Variants in PRKN observed in about 807,000 individuals in gnomAD.
PRKN encodes the protein E3 ubiquitin-protein ligase parkin.
Under a neutral mutation model 59.5 loss-of-function variants are expected in PRKN, and 56 were observed. The observed-to-expected ratio is 0.94, with a 90% CI of 0.76 to 1.18. The LOEUF (loss-of-function observed/expected upper bound fraction) is 1.18, where lower values mean the gene tolerates loss of function less well. Among genes scored for constraint, PRKN ranks in the 50% most tolerant of loss-of-function variants. The pLI is 0.00. For synonymous variants in PRKN, 250 were observed against 222.1 expected (o/e 1.13, Z -1.12); for missense variants, 657 against 596.4 (o/e 1.10, Z -1.06).
At chr6:161,847,796 A>G (rs1406995236) in intron 6 of PRKN, among the ~76,000 whole-genome samples, 1 of 152,228 alleles carries the variant, frequency 6.6e-6, no homozygotes, top group Non-Finnish European at 1.5e-5. Flanking sequence ...CCCTAGGCAT[A>G]GGACTGGGAA....
chr6:162,117,360 A>T (rs1780717973), intron 4 of PRKN, among the ~76,000 whole-genome samples: 2 of 152,242 alleles, frequency 1.3e-5, no homozygotes, highest in Non-Finnish European at 2.9e-5. Flanking sequence ...GCTTTCGCCG[A>T]AGGGCCTAAG....
intron 6 of PRKN, among the ~76,000 whole-genome samples, chr6:161,830,130 C>A (rs1299718447): frequency 2.0e-5 from 3 of 152,174 alleles, no homozygotes; most frequent in African/African-American, 7.2e-5. Flanking sequence ...AGGTAAAAAT[C>A]AATTTGCCCA....
chr6:162,448,651 G>A (rs1790435735), intron 1 of PRKN, among the ~76,000 whole-genome samples: 2 of 151,884 alleles, frequency 1.3e-5, no homozygotes, highest in African/African-American at 2.4e-5. Context: ...TCCCTTTATT[G>A]GCCCTGCAGA....
chr6:162,119,737 A>T (rs1780826480), intron 4 of PRKN, among the ~76,000 whole-genome samples: 1 of 152,120 alleles, frequency 6.6e-6, no homozygotes, highest in Admixed American at 6.6e-5. Flanking sequence ...GGAAGGGAGA[A>T]GGGCTGCTTT....
At chr6:162,412,347 T>C (rs1394098338) in intron 2 of PRKN, among the ~76,000 whole-genome samples, 2 of 151,978 alleles carry the variant, frequency 1.3e-5, no homozygotes, top group Non-Finnish European at 2.9e-5. Context: ...TAGGGTACGA[T>C]GAATAACAAA....
intron 6 of PRKN, among the ~76,000 whole-genome samples, chr6:161,967,373 A>G (rs1160175241): frequency 3.9e-5 from 6 of 152,162 alleles, no homozygotes; most frequent in African/African-American, 1.4e-4. Context: ...ATCAATTTAT[A>G]AGCTATGAAG....
chr6:161,879,208 T>C (rs893457636), intron 6 of PRKN, among the ~76,000 whole-genome samples: 5 of 151,952 alleles, frequency 3.3e-5, no homozygotes, highest in African/African-American at 1.2e-4. Flanking sequence ...TGCACCAGAG[T>C]CAAATATGGG....
intron 7 of PRKN, among the ~76,000 whole-genome samples, chr6:161,696,593 A>G (rs1028516348): frequency 2.0e-5 from 3 of 152,196 alleles, no homozygotes; most frequent in Admixed American, 6.5e-5. Flanking sequence ...TGGTCTTTCT[A>G]TTTCTGTAAC....
At chr6:162,378,072 T>C (rs777997507) in intron 2 of PRKN, among the ~76,000 whole-genome samples, 5 of 152,152 alleles carry the variant, frequency 3.3e-5, no homozygotes, top group African/African-American at 4.8e-5. Flanking sequence ...TCAAAGGCAA[T>C]ACTTTAACAT....
At chr6:162,068,408 G>T (rs906464137) in intron 4 of PRKN, among the ~76,000 whole-genome samples, 1 of 152,130 alleles carries the variant, frequency 6.6e-6, no homozygotes, top group Non-Finnish European at 1.5e-5. Flanking sequence ...AGTTTCTGTG[G>T]GGCAGGCCTG....
At chr6:162,571,327 A>G (rs1780319094) in intron 1 of PRKN, 1 of 149,810 alleles carries the variant, frequency 6.7e-6, no homozygotes, top group African/African-American at 2.4e-5. Context: ...TCATTTCAAA[A>G]AAAAAAAAAA....
chr6:161,774,883 A>C (rs1003262448), intron 7 of PRKN, among the ~76,000 whole-genome samples: 1 of 152,348 alleles, frequency 6.6e-6, no homozygotes, highest in East Asian at 1.9e-4. Context: ...TTAAACTCCG[A>C]AGCTTAGGAA....
At chr6:162,096,848 ATTTTTTTTTTTTTTTTTTTT>A (rs71004079) in intron 4 of PRKN, among the ~76,000 whole-genome samples, 2 of 49,180 alleles carry the variant, frequency 4.1e-5, no homozygotes, top group Admixed American at 7.9e-4. Flanking sequence ...TACAGCTGGA[ATTTTTTTTTTTTTTTTTTTT>A]TTTTTTTTTT....
At chr6:162,159,196 T>C (rs1034821407) in intron 4 of PRKN, among the ~76,000 whole-genome samples, 5 of 150,854 alleles carry the variant, frequency 3.3e-5, no homozygotes, top group Non-Finnish European at 7.4e-5. Context: ...TCGTAAATAC[T>C]GTTTTCTATT....
At chr6:162,158,415 CGTTT>C (rs1562548505) in intron 4 of PRKN, among the ~76,000 whole-genome samples, 4 of 139,158 alleles carry the variant, frequency 2.9e-5, no homozygotes, top group African/African-American at 1.1e-4. Context: ...TGTTTGTTTG[CGTTT>C]TTTTTTTTTT....
At chr6:162,560,746 T>C (rs1175429313) in intron 1 of PRKN, among the ~76,000 whole-genome samples, 2 of 149,782 alleles carry the variant, frequency 1.3e-5, no homozygotes, top group African/African-American at 5.0e-5. Flanking sequence ...ATTGCCAACA[T>C]ATATTCATTC....
In PRKN at chr6:161,571,014, C is replaced by T. The variant is rs1780867528; in HGVS notation, c.872-1598G>A. On this transcript the variant is annotated intron_variant, in intron 7 of 11. Transcript: ENST00000366898. ...AGTGTGTAATCATGGCTCATTGCAGCCTTGACCTCCTGGCTGAAGGTACCC... is the reference window on the plus strand; with the variant it reads ...AGTGTGTAATCATGGCTCATTGCAGTCTTGACCTCCTGGCTGAAGGTACCC... Among the ~76,000 whole-genome samples the T allele has an allele frequency of 2.6e-5, 4 of 152,126 alleles. 1 individual carries two copies. Among genetic ancestry groups the T allele is most frequent in the African/African-American group, 9.7e-5 (4 of 41,420 alleles).
intron 4 of PRKN, among the ~76,000 whole-genome samples, chr6:162,079,006 G>C (rs1377330978): frequency 6.6e-6 from 1 of 152,008 alleles, no homozygotes; most frequent in African/African-American, 2.4e-5. Flanking sequence ...AGTCATCAGA[G>C]GTTGCCATTC....
At chr6:162,212,002 T>TC (rs1785219134) in intron 3 of PRKN, among the ~76,000 whole-genome samples, 1 of 152,172 alleles carries the variant, frequency 6.6e-6, no homozygotes, top group African/African-American at 2.4e-5. Flanking sequence ...TCAAGACTGA[T>TC]AAGACTATGA....
Sources: gnomAD v4.1 joint callset for allele counts (sites outside exome capture counted in the v4.1 genomes callset) on GRCh38, gnomAD v4.1.1 for gene constraint, MANE v1.5 for transcripts, NCBI Gene and HGNC (gene_info 2026-07-23, HGNC 2026-07-21) for gene names.